MYH13: variants seen among roughly 807,000 people sequenced by gnomAD.
MYH13 encodes myosin heavy chain 13, also known as myosin-13.
Under a neutral mutation model 232.1 loss-of-function variants are expected in MYH13, and 177 were observed. The ratio of observed to expected loss-of-function variants is 0.76; its 90% CI spans 0.67 to 0.86. The LOEUF (loss-of-function observed/expected upper bound fraction) is 0.86. Ranked by LOEUF, MYH13 falls within the 40% of genes least tolerant of loss-of-function variation. The pLI, the probability that MYH13 is intolerant of heterozygous loss-of-function variation, is 0.00. For missense variants in MYH13, 2,246 were observed against 2,405.9 expected, an observed-to-expected ratio of 0.93 and a Z score of 1.39; for synonymous variants, 884 against 923.5, an observed-to-expected ratio of 0.96 and a Z score of 0.78.
At chr17:10,323,144 C>G (rs951092253) in intron 23 of MYH13, among the ~76,000 whole-genome samples, 2 of 152,146 alleles carry the variant, frequency 1.3e-5, no homozygotes, top group African/African-American at 2.4e-5. Flanking sequence ...GACATGTCGC[C>G]TTATGGACAG....
Position 10,312,697 on chromosome 17 carries a change from C to T in MYH13, c.4242G>A (p.Lys1414=), listed in dbSNP as rs1279055348. 4 of 1,613,570 alleles carry T rather than the reference C, an allele frequency of 2.5e-6. No homozygotes were observed. Among genetic ancestry groups the T allele is most frequent in the Non-Finnish European group, 3.4e-6 (4 of 1,179,838 alleles). ...AEENTETANS[K]CASLEKTKQR... ...GCTTGGTTTTCTCCAACGATGCGCA[C>T]TTGGAGTTCGCCGTCTCCGTGTTCT... Residue 1414 remains lysine, a synonymous_variant, in exon 31 of 41, where the codon AAG becomes AAA. Transcript: ENST00000252172.
chr17:10,306,866 G>T lies in MYH13; in HGVS notation c.5295+73C>A, dbSNP rs893929589. On this transcript the variant is annotated intron_variant, in intron 36 of 40. Coordinates refer to ENST00000252172, the MANE Select transcript of MYH13 (RefSeq NM_003802.3). The surrounding 1 kb of genome is among the most constrained non-coding windows in gnomAD (Gnocchi z 4.3). The stretch of plus-strand genomic sequence containing the variant: ...TTGTCATAAGAGATGAAACATACTT[G>T]CCACACCCTGGCTCAGAGGCCCCAC... 1 of 1,601,966 alleles carries T rather than the reference G, an allele frequency of 6.2e-7. No homozygotes were observed. The highest frequency in any genetic ancestry group is 8.5e-7 in the Non-Finnish European group (1 of 1,177,638).
chr17:10,338,364 T>G (rs2142252938), intron 18 of MYH13, among the ~76,000 whole-genome samples: 1 of 152,276 alleles, frequency 6.6e-6, no homozygotes, highest in South Asian at 2.1e-4. Context: ...AATGATGTAG[T>G]TGGTTATTGC....
At chr17:10,322,331 G>A (rs1437813067) in intron 23 of MYH13, among the ~76,000 whole-genome samples, 2 of 152,176 alleles carry the variant, frequency 1.3e-5, no homozygotes, top group South Asian at 2.1e-4. Flanking sequence ...ACAGGAGGCA[G>A]AGGTTGCAGT....
chr17:10,364,266 T>C (rs1332771661), intron 3 of MYH13, 61 bp downstream of exon 3: 1 of 1,502,502 alleles, frequency 6.7e-7, no homozygotes, highest in Non-Finnish European at 9.2e-7. Context: ...TTTCTAATAT[T>C]CTACTCCAAA....
At position 10,307,040 on chromosome 17, in the gene MYH13, T is replaced by G; in HGVS notation, c.5194A>C (p.Lys1732Gln). ...SQNTSLINTK[K>Q]KLEADIAQCQ... The stretch of plus-strand genomic sequence containing the variant: ...TGAGCTATGTCAGCCTCCAGTTTTT[T>G]CTTGGTATTTATCAGGCTTGTGTTC... The change falls in exon 36 of 41, where the codon AAA becomes CAA. Residue 1732 changes from lysine to glutamine, a missense_variant. By Grantham distance (53) the Lys-to-Gln change is moderately conservative. Transcript: ENST00000252172. 1 of 1,614,002 alleles carries G rather than the reference T, an allele frequency of 6.2e-7. No homozygotes were observed. The highest frequency in any genetic ancestry group is 8.5e-7 in the Non-Finnish European group (1 of 1,179,888).
rs200423854 is a variant in MYH13 at position 10,324,058 on chromosome 17, C to T, written c.2898G>A (p.Thr966=). 292 of 1,613,974 alleles carry T rather than the reference C, an allele frequency of 1.8e-4. 1 individual carries two copies. The African/African-American group carries it at 2.4e-3, about 13-fold the overall frequency. ...RDIDDLELTL[T]KVEKEKHATE... ...TGGCATGCTTCTCCTTTTCAACTTT[C>T]GTCAAGGTCAGCTCCAGGTCATCAA... The change falls in exon 23 of 41, where the codon ACG becomes ACA. Residue 966 remains threonine, a synonymous_variant. Transcript: ENST00000252172.
Position 10,306,109 on chromosome 17 carries a change from A to G in MYH13, c.5466+350T>C, listed in dbSNP as rs1473926147. Among the ~76,000 whole-genome samples, 2 of 152,176 alleles carry G rather than the reference A, an allele frequency of 1.3e-5. No homozygotes were observed. Among genetic ancestry groups the G allele is most frequent in the African/African-American group, 4.8e-5 (2 of 41,442 alleles). On this transcript the variant is annotated intron_variant, in intron 37 of 40. Coordinates refer to ENST00000252172, the MANE Select transcript of MYH13 (RefSeq NM_003802.3). The surrounding 1 kb of genome is among the most constrained non-coding windows in gnomAD (Gnocchi z 4.3). The stretch of plus-strand genomic sequence containing the variant: ...TTTTATGACTGTAGAGTATATGTTA[A>G]TAGTTTTTTCCATGTATGTGCGTGC...
chr17:10,343,307 C>G (rs1475444234), intron 16 of MYH13, among the ~76,000 whole-genome samples: 1 of 152,010 alleles, frequency 6.6e-6, no homozygotes, highest in Non-Finnish European at 1.5e-5. Flanking sequence ...AAGCAATTCT[C>G]CGGCCTCAGC....
intron 22 of MYH13, 62 bp from the exon 23 acceptor site, chr17:10,324,326 G>T (rs986881948): frequency 8.2e-6 from 13 of 1,591,650 alleles, no homozygotes; most frequent in Middle Eastern, 3.3e-4. Context: ...CAAAGAAAGG[G>T]TATCACCCTC....
At chr17:10,302,202 C>T (rs192729833) in intron 39 of MYH13, among the ~76,000 whole-genome samples, 7 of 152,230 alleles carry the variant, frequency 4.6e-5, no homozygotes, top group East Asian at 3.9e-4. Context: ...ATCCCATGTG[C>T]GTGAATTGCT....
chr17:10,330,966 G>A (rs2270054), intron 20 of MYH13, among the ~76,000 whole-genome samples: 1 of 151,808 alleles, frequency 6.6e-6, no homozygotes, highest in African/African-American at 2.4e-5. Context: ...GCAGTGAGCA[G>A]AGATTGCACC....
chr17:10,371,412 A>G (rs1419000609), intron 1 of MYH13, among the ~76,000 whole-genome samples, 153 bp from the exon 2 acceptor site: 1 of 152,226 alleles, frequency 6.6e-6, no homozygotes, highest in Non-Finnish European at 1.5e-5. Flanking sequence ...TGCTGTTTTG[A>G]ATTTTTACTT....
chr17:10,312,822 G>T (rs1426016439), intron 30 of MYH13, 65 bp from the exon 31 acceptor site: 49 of 1,501,584 alleles, frequency 3.3e-5, no homozygotes, highest in Non-Finnish European at 4.3e-5. Context: ...GTAACTGTCA[G>T]ATGGGAAGAG....
chr17:10,366,322 TAC>T (rs368988856), intron 2 of MYH13, among the ~76,000 whole-genome samples: 1 of 150,502 alleles, frequency 6.6e-6, no homozygotes, highest in Non-Finnish European at 1.5e-5. Flanking sequence ...AGTCAAGTCA[TAC>T]ACACACACAC....
chr17:10,312,441 A>G (rs1398748577), intron 31 of MYH13, 133 bp downstream of exon 31: 1 of 1,072,046 alleles, frequency 9.3e-7, no homozygotes, highest in East Asian at 2.6e-5. Flanking sequence ...TAAGCGTGAA[A>G]CTGTTGTTTT....
At position 10,328,764 on chromosome 17, in the gene MYH13, G is replaced by A. The variant is rs540442485; in HGVS notation, c.2436-643C>T. Among the ~76,000 whole-genome samples, 41 of 146,730 alleles carry A rather than the reference G, an allele frequency of 2.8e-4. 1 individual carries two copies. In the South Asian group the frequency reaches 8.7e-3, roughly 31 times the overall value. ...GCAATCTCGGCTCACTGCAACCTCC[G>A]CCTCCTAGGTTCAAGCAATTCTTCT... is the stretch of plus-strand genomic sequence containing the variant. On this transcript the variant is annotated intron_variant, in intron 21 of 40. Coordinates refer to ENST00000252172, the MANE Select transcript of MYH13 (RefSeq NM_003802.3).
chr17:10,326,522 G>A (rs1194506902), intron 22 of MYH13, among the ~76,000 whole-genome samples: 1 of 151,518 alleles, frequency 6.6e-6, no homozygotes, highest in East Asian at 1.9e-4. Flanking sequence ...CCAGGCTGGA[G>A]TGCAGTGGCA....
chr17:10,348,857 C>G (rs2071687789), intron 12 of MYH13, among the ~76,000 whole-genome samples: 1 of 152,104 alleles, frequency 6.6e-6, no homozygotes, highest in Non-Finnish European at 1.5e-5. Context: ...CAAACTGATG[C>G]AAAAATTGTT....
Sources: gnomAD v4.1 joint callset for allele counts (sites outside exome capture counted in the v4.1 genomes callset) on GRCh38, gnomAD v4.1.1 for gene constraint, Gnocchi (gnomAD v3.1) non-coding constraint, MANE v1.5 for transcripts, NCBI Gene and HGNC (gene_info 2026-07-23, HGNC 2026-07-21) for gene names.